The following COL8A2 variants were observed in gnomAD, a reference collection of about 807,000 sequenced individuals.
The protein encoded by COL8A2 is collagen alpha-2(VIII) chain.
Under a neutral mutation model 24.0 loss-of-function variants are expected in COL8A2, and 16 were observed. That is an observed-to-expected ratio of 0.67 (90% CI 0.45 to 1.01). The LOEUF (loss-of-function observed/expected upper bound fraction) is 1.01, where lower values mean the gene tolerates loss of function less well. COL8A2 is among the 50% of genes least tolerant of loss of function. The pLI is 0.00. For synonymous variants in COL8A2, 466 were observed against 424.5 expected, an observed-to-expected ratio of 1.10 and a Z score of -1.20; for missense variants, 818 against 942.4, an observed-to-expected ratio of 0.87 and a Z score of 1.73.
At chr1:36,099,544 C>T in intron 3 of COL8A2, 57 bp from the exon 4 acceptor site, 1 of 1,233,768 alleles carries the variant, frequency 8.1e-7, no homozygotes, top group Non-Finnish European at 1.1e-6. Context: ...ACAGGGGACC[C>T]CATCTACCCA....
At chr1:36,101,860 T>C (rs1240379257) in intron 2 of COL8A2, among the ~76,000 whole-genome samples, 3 of 150,270 alleles carry the variant, frequency 2.0e-5, no homozygotes, top group Admixed American at 6.6e-5. Flanking sequence ...CTGGGCAACA[T>C]AGCAAAACCC....
chr1:36,110,615 G>A (rs1040113324), intron 2 of COL8A2, among the ~76,000 whole-genome samples: 16 of 152,168 alleles, frequency 1.1e-4, no homozygotes, highest in African/African-American at 3.6e-4. Context: ...TCAGCCTCCC[G>A]TGTGGCTGGG....
rs1367974206 is a variant in COL8A2 at position 36,115,168 on chromosome 1, G to C, written c.-17+540C>G. ...CTCCCAGCAGAGGCCTTGAGCTTCT[G>C]ATGGGAACTGGACATCCGAGGGCCC... is the stretch of plus-strand genomic sequence containing the variant. On this transcript the variant is annotated intron_variant, in intron 2 of 3. Coordinates refer to ENST00000397799, the MANE Select transcript of COL8A2 (RefSeq NM_005202.4). This position sits in a 1 kb window ranked among gnomAD's most constrained non-coding sequence, Gnocchi z 5.7. Among the ~76,000 whole-genome samples, 1 of 152,272 alleles carries C rather than the reference G, an allele frequency of 6.6e-6. No homozygotes were observed. Among genetic ancestry groups the C allele is most frequent in the Admixed American group, 6.5e-5 (1 of 15,300 alleles).
At position 36,105,752 on chromosome 1, in the gene COL8A2, A is replaced by C. The variant is rs970179143; in HGVS notation, c.-16-5494T>G. Among the ~76,000 whole-genome samples, 3 of 151,506 alleles carry C rather than the reference A, an allele frequency of 2.0e-5. No individual in the cohort carries two copies. In the East Asian group the frequency reaches 5.9e-4, roughly 30 times the overall value. On this transcript the variant is annotated intron_variant, in intron 2 of 3. Transcript: ENST00000397799. Reference sequence around the variant, plus strand: ...CGCTTGAGCCCAGGACTTTGAGATCACTCTGGGCACATAGTGAAACTCTGT... The same window carrying C: ...CGCTTGAGCCCAGGACTTTGAGATCCCTCTGGGCACATAGTGAAACTCTGT...
At position 36,098,014 on chromosome 1, in the gene COL8A2, A is replaced by C; in HGVS notation, c.1667T>G (p.Leu556Arg). 6.3e-7 allele frequency: 1 copy of C among 1,596,098 alleles called. No homozygotes were observed. Among genetic ancestry groups the C allele is most frequent in the Admixed American group, 1.7e-5 (1 of 58,934 alleles). The change falls in exon 4 of 4, where the codon CTG (leucine) becomes CGG (arginine). Residue 556 changes from leucine (L) to arginine (R), a missense_variant. Leu to Arg is a moderately radical substitution (Grantham distance 102, BLOSUM62 -2). Transcript: ENST00000397799. ...AAACTGTGGCTTGCCCCCCTTGCCC[A>C]GCACGGCACCCTCCACACCGCCGTT... ...LPNGGVEGAV[L>R]GKGGKPQFGL... is the part of the protein sequence containing the mutation.
intron 2 of COL8A2, among the ~76,000 whole-genome samples, chr1:36,109,219 G>A (rs1643803702): frequency 6.6e-6 from 1 of 152,210 alleles, no homozygotes; most frequent in Non-Finnish European, 1.5e-5. Flanking sequence ...AGACATTGCT[G>A]TGGGATCCGG....
Position 36,123,417 on chromosome 1 carries a change from T to C in COL8A2, c.-62+1640A>G, listed in dbSNP as rs1213158577. ...TGCTTAGTATCTTTCTCCTCCCTCT[T>C]GCTAACAGACACATTCACTTCCATA... On this transcript the variant is annotated intron_variant, in intron 1 of 3. Coordinates refer to ENST00000397799, the MANE Select transcript of COL8A2 (RefSeq NM_005202.4). The surrounding 1 kb of genome is among the most constrained non-coding windows in gnomAD (Gnocchi z 4.1). Among the ~76,000 whole-genome samples the C allele has an allele frequency of 6.6e-6, 1 of 152,226 alleles. No homozygotes were observed. Among genetic ancestry groups the C allele is most frequent in the South Asian group, 2.1e-4 (1 of 4,828 alleles).
At chr1:36,100,609 T>C (rs1403954753) in intron 2 of COL8A2, among the ~76,000 whole-genome samples, 1 of 152,136 alleles carries the variant, frequency 6.6e-6, no homozygotes, top group Non-Finnish European at 1.5e-5. Context: ...AACTCTTGGA[T>C]GTCAACACCC....
At chr1:36,104,533 C>T (rs921877734) in intron 2 of COL8A2, among the ~76,000 whole-genome samples, 3 of 150,512 alleles carry the variant, frequency 2.0e-5, no homozygotes, top group Admixed American at 6.6e-5. Context: ...ATAGGCTGGA[C>T]GCGGTGGCTC....
In COL8A2 at chr1:36,096,049, A is replaced by G. The variant is rs1346862026; in HGVS notation, c.*1520T>C. 6.6e-6 allele frequency: 1 copy of G among 152,074 alleles called. No individual in the cohort carries two copies. The highest frequency in any genetic ancestry group is 1.5e-5 in the Non-Finnish European group (1 of 68,032). The allele number at this position is 152,074 out of a possible 1,614,324, so 9.4% of individuals were successfully genotyped here. A position where few individuals can be genotyped will look rare whatever the true frequency, so the allele number is the denominator to read the frequency against. ...TCAGCAGCCATCCTCCATTTTCAACATGGACCGCCTGGACACAGCCAGACT... is the reference window on the plus strand; with the variant it reads ...TCAGCAGCCATCCTCCATTTTCAACGTGGACCGCCTGGACACAGCCAGACT... On this transcript the variant is annotated 3_prime_UTR_variant, in exon 4 of 4. Coordinates refer to ENST00000397799, the MANE Select transcript of COL8A2 (RefSeq NM_005202.4).
At chr1:36,117,337 G>A (rs564785846) in intron 1 of COL8A2, among the ~76,000 whole-genome samples, 89 of 152,296 alleles carry the variant, frequency 5.8e-4, no homozygotes, top group Non-Finnish European at 1.1e-3. Context: ...CCCCAGCCCC[G>A]TCCCTGCACC....
chr1:36,110,285 G>A (rs1643821792), intron 2 of COL8A2, among the ~76,000 whole-genome samples: 1 of 125,918 alleles, frequency 7.9e-6, no homozygotes, highest in African/African-American at 2.7e-5. Context: ...AAAAAAAAAA[G>A]GATTAACTGA....
At chr1:36,113,982 G>A (rs967984718) in intron 2 of COL8A2, among the ~76,000 whole-genome samples, 1 of 152,118 alleles carries the variant, frequency 6.6e-6, no homozygotes, top group Non-Finnish European at 1.5e-5. Context: ...CAGTGAACCT[G>A]GGGCTCTGGA....
At chr1:36,110,325 G>A (rs1643822667) in intron 2 of COL8A2, among the ~76,000 whole-genome samples, 1 of 150,406 alleles carries the variant, frequency 6.6e-6, no homozygotes, top group Non-Finnish European at 1.5e-5. Context: ...CCCTCCATGT[G>A]TGCTGCCCAA....
At chr1:36,105,680 G>C (rs1643748253) in intron 2 of COL8A2, among the ~76,000 whole-genome samples, 1 of 152,192 alleles carries the variant, frequency 6.6e-6, no homozygotes, top group Admixed American at 6.5e-5. Context: ...AGGCATGGTG[G>C]CTCACACTTG....
At chr1:36,099,729 G>A (rs1023708092) in intron 3 of COL8A2, among the ~76,000 whole-genome samples, 13 of 152,136 alleles carry the variant, frequency 8.5e-5, no homozygotes, top group Non-Finnish European at 1.8e-4. Flanking sequence ...CCATGAGCCT[G>A]GCTGATTCTC....
At chr1:36,109,553 G>A (rs1643808993) in intron 2 of COL8A2, among the ~76,000 whole-genome samples, 1 of 151,622 alleles carries the variant, frequency 6.6e-6, no homozygotes, top group Non-Finnish European at 1.5e-5. Flanking sequence ...ATTAACTCAG[G>A]GGCTGCTCTG....
chr1:36,122,744 C>T (rs890772277), intron 1 of COL8A2, among the ~76,000 whole-genome samples: 1 of 152,180 alleles, frequency 6.6e-6, no homozygotes, highest in African/African-American at 2.4e-5. Flanking sequence ...CCTCGAAGAT[C>T]CCCCCTTCAT....
At chr1:36,102,662 T>TA (rs1449519081) in intron 2 of COL8A2, among the ~76,000 whole-genome samples, 26 of 100,582 alleles carry the variant, frequency 2.6e-4, no homozygotes, top group Admixed American at 3.9e-4. Context: ...TCTATAAAGC[T>TA]GGTTTTTTGT....
Sources: gnomAD v4.1 joint callset for allele counts (sites outside exome capture counted in the v4.1 genomes callset) on GRCh38, gnomAD v4.1.1 for gene constraint, Gnocchi (gnomAD v3.1) non-coding constraint, MANE v1.5 for transcripts, NCBI Gene and HGNC (gene_info 2026-07-23, HGNC 2026-07-21) for gene names.